TMEM178A: variants seen among roughly 807,000 people sequenced by gnomAD.
TMEM178A encodes transmembrane protein 178A, also known as transmembrane protein 178.
A neutral mutation model predicts 29.1 loss-of-function variants in TMEM178A; 12 were observed. That is an observed-to-expected ratio of 0.41 (90% CI 0.26 to 0.67). TMEM178A has a LOEUF of 0.67. Ranked by LOEUF, TMEM178A falls within the 30% of genes least tolerant of loss-of-function variation. The pLI, the probability that TMEM178A is intolerant of heterozygous loss-of-function variation, is 0.29. For synonymous variants in TMEM178A, 210 were observed against 187.2 expected (o/e 1.12, Z -0.99); for missense variants, 366 against 419.1 (o/e 0.87, Z 1.11).
In TMEM178A at chr2:39,700,872, G is replaced by T. The variant is rs558777163; in HGVS notation, c.401-3209G>T. Among the ~76,000 whole-genome samples the T allele has an allele frequency of 2.0e-4, 30 of 150,510 alleles. No homozygotes were observed. The South Asian group carries it at 6.4e-3, about 32-fold the overall frequency. Reference sequence around the variant, plus strand: ...TTATTTTCTTAGTGGTTGCCCTGTGGATTACAAGTAACATCTTAACAATCT... The same window carrying T: ...TTATTTTCTTAGTGGTTGCCCTGTGTATTACAAGTAACATCTTAACAATCT... On this transcript the variant is annotated intron_variant, in intron 1 of 3. Transcript: ENST00000281961.
At chr2:39,675,312 G>T (rs1670571870) in intron 1 of TMEM178A, among the ~76,000 whole-genome samples, 1 of 152,084 alleles carries the variant, frequency 6.6e-6, no homozygotes, top group African/African-American at 2.4e-5. Context: ...TTGGAAAATT[G>T]GCAGCTGTAT....
At chr2:39,703,254 A>G (rs572655038) in intron 1 of TMEM178A, among the ~76,000 whole-genome samples, 2 of 152,334 alleles carry the variant, frequency 1.3e-5, no homozygotes, top group African/African-American at 4.8e-5. Context: ...AGAACATTTT[A>G]TAAGTTTTTT....
chr2:39,668,751 C>G (rs992567106), intron 1 of TMEM178A, among the ~76,000 whole-genome samples: 1 of 152,126 alleles, frequency 6.6e-6, no homozygotes, highest in Admixed American at 6.6e-5. Context: ...TGCTACTAAC[C>G]AACCTTGGGC....
At chr2:39,693,668 C>T (rs1671416404) in intron 1 of TMEM178A, among the ~76,000 whole-genome samples, 1 of 152,156 alleles carries the variant, frequency 6.6e-6, no homozygotes, top group South Asian at 2.1e-4. Flanking sequence ...GGAGAATCCT[C>T]TGTAAGCCAC....
In TMEM178A at chr2:39,666,249, C is replaced by G. The variant is rs1365756298; in HGVS notation, c.275C>G (p.Ser92Trp). Residue 92 changes from serine to tryptophan, a missense_variant, in exon 1 of 4, where the codon TCG becomes TGG. By Grantham distance (177) the Ser-to-Trp change is radical (BLOSUM62 -3). Coordinates refer to ENST00000281961, the MANE Select transcript of TMEM178A (RefSeq NM_152390.3). Reference protein sequence around the residue: ...PGRADPESWRSLLGLGGLDAE... With the variant: ...PGRADPESWRWLLGLGGLDAE... ...CGCGCCGACCCCGAGTCCTGGCGCT[C>G]GCTCCTGGGGCTCGGCGGGCTGGAC... 7.3e-7 allele frequency: 1 copy of G among 1,360,874 alleles called. No homozygotes were observed. Among genetic ancestry groups the G allele is most frequent in the South Asian group, 1.8e-5 (1 of 56,332 alleles). 84.3% of individuals were successfully genotyped at this position (1,360,874 alleles called of 1,614,324 possible).
In TMEM178A at chr2:39,704,106, C is replaced by G; in HGVS notation, c.426C>G (p.Ile142Met). 6.2e-7 allele frequency: 1 copy of G among 1,614,136 alleles called. No homozygotes were observed. The highest frequency in any genetic ancestry group is 1.1e-5 in the South Asian group (1 of 91,076). ...GTATTGCGCAGCGATGCACGGCCAT[C>G]AAGTACCACTTTTCTCAGCCCATCC... is the stretch of plus-strand genomic sequence containing the variant. ...LKGIAQRCTAIKYHFSQPIRL... is the reference protein window; with the variant it reads ...LKGIAQRCTAMKYHFSQPIRL... Residue 142 changes from isoleucine to methionine, a missense_variant, in exon 2 of 4, where the codon ATC (isoleucine) becomes ATG (methionine). This residue lies in a region of TMEM178A where 247 missense variants were observed against 246.8 expected (regional missense o/e 1.00). Transcript: ENST00000281961.
In TMEM178A at chr2:39,717,238, A is replaced by T; in HGVS notation, c.881A>T (p.Asp294Val). Residue 294 changes from aspartate (D) to valine (V), a missense_variant, in exon 4 of 4, where the codon GAC becomes GTC. By Grantham distance (152) the Asp-to-Val change is radical. This residue lies in a region of TMEM178A where 119 missense variants were observed against 172.2 expected (regional missense o/e 0.69). Transcript: ENST00000281961. ...TKIAQLKSGRDSTV is the reference protein window; with the variant it reads ...TKIAQLKSGRVSTV ...ATTGCACAGCTAAAGTCTGGCAGAG[A>T]CTCCACGGTATGACTGTCCTCACTG... 3 of 1,612,658 alleles carry T rather than the reference A, an allele frequency of 1.9e-6. No individual in the cohort carries two copies. The highest frequency in any genetic ancestry group is 1.3e-5 in the African/African-American group (1 of 74,474).
At chr2:39,707,967 T>C (rs1394897708) in intron 3 of TMEM178A, among the ~76,000 whole-genome samples, 1 of 152,242 alleles carries the variant, frequency 6.6e-6, no homozygotes, top group Non-Finnish European at 1.5e-5. Flanking sequence ...TCCACAGATA[T>C]CTTTTGAGGA....
rs149209394 is a variant in TMEM178A at position 39,687,927 on chromosome 2, A to C, written c.401-16154A>C. On this transcript the variant is annotated intron_variant, in intron 1 of 3. Coordinates refer to ENST00000281961, the MANE Select transcript of TMEM178A (RefSeq NM_152390.3). ...ATGCAAATTCAATCCCATCTATGTC[A>C]CTTGTTAGCTGTGGGACTGTAGGCA... Among the ~76,000 whole-genome samples the C allele has an allele frequency of 2.5e-3, 383 of 152,336 alleles. 1 individual carries two copies. Among genetic ancestry groups the C allele is most frequent in the African/African-American group, 8.7e-3 (360 of 41,576 alleles).
At chr2:39,684,902 C>T (rs1249992707) in intron 1 of TMEM178A, among the ~76,000 whole-genome samples, 2 of 152,178 alleles carry the variant, frequency 1.3e-5, no homozygotes, top group Non-Finnish European at 2.9e-5. Flanking sequence ...ACACGTGCCC[C>T]TGGACCCGGC....
rs114801251 is a variant in TMEM178A, at chr2:39,675,294, C to A, written c.400+8920C>A. On this transcript the variant is annotated intron_variant, in intron 1 of 3. Transcript: ENST00000281961. ...CCCCCAAAGTCATCTCTAGGCACCACCACTGATTTGGAAAATTGGCAGCTG... is the reference window on the plus strand; with the variant it reads ...CCCCCAAAGTCATCTCTAGGCACCAACACTGATTTGGAAAATTGGCAGCTG... Among the ~76,000 whole-genome samples, 1,366 of 152,206 alleles carry A rather than the reference C, an allele frequency of 9.0e-3. 27 individuals carry two copies. The highest frequency in any genetic ancestry group is 0.031 in the African/African-American group (1,301 of 41,512).
At position 39,717,256 on chromosome 2, in the gene TMEM178A, C is replaced by G. The variant is rs755282099; in HGVS notation, c.*5C>G. ...GGCAGAGACTCCACGGTATGACTGT[C>G]CTCACTGGGCCTGTCCACAGTGCGA... On this transcript the variant is annotated 3_prime_UTR_variant, in exon 4 of 4. Transcript: ENST00000281961. 6.2e-7 allele frequency: 1 copy of G among 1,613,020 alleles called. No individual in the cohort carries two copies. Among genetic ancestry groups the G allele is most frequent in the Non-Finnish European group, 8.5e-7 (1 of 1,179,626 alleles).
At position 39,715,726 on chromosome 2, in the gene TMEM178A, G is replaced by A. The variant is rs529578853; in HGVS notation, c.653-1284G>A. 3.9e-5 allele frequency among the ~76,000 whole-genome samples: 6 copies of A among 152,214 alleles called. No homozygotes were observed. In the East Asian group the frequency reaches 5.8e-4, roughly 15 times the overall value. On this transcript the variant is annotated intron_variant, in intron 3 of 3. Coordinates refer to ENST00000281961, the MANE Select transcript of TMEM178A (RefSeq NM_152390.3). ...ATTGTCTAAGTGCACATTTGGAAGC[G>A]GATTCAGGCAACGTGCTCTTACATG...
chr2:39,667,450 T>TA (rs5830581), intron 1 of TMEM178A, among the ~76,000 whole-genome samples: 74,751 of 147,864 alleles, frequency 0.51, 19,652 homozygotes, highest in East Asian at 0.83. Flanking sequence ...CCTTTGAGAT[T>TA]AAAAAAAAAA....
chr2:39,674,869 A>G (rs565418458), intron 1 of TMEM178A, among the ~76,000 whole-genome samples: 17 of 151,990 alleles, frequency 1.1e-4, no homozygotes, highest in Admixed American at 1.1e-3. Flanking sequence ...CTGAAATTCA[A>G]GTTGGTAGGA....
chr2:39,732,029 C>T, the TMEM178A span, among the ~76,000 whole-genome samples: 6 of 152,090 alleles, frequency 3.9e-5, no homozygotes, highest in East Asian at 1.9e-4. Flanking sequence ...TTCCTCTTCC[C>T]GAGACCTTAT....
At chr2:39,715,766 A>G (rs1672508772) in intron 3 of TMEM178A, among the ~76,000 whole-genome samples, 1 of 152,232 alleles carries the variant, frequency 6.6e-6, no homozygotes, top group Non-Finnish European at 1.5e-5. Context: ...GAATGGAGGC[A>G]GAATTCTAAC....
At chr2:39,681,577 G>C (rs1487239393) in intron 1 of TMEM178A, among the ~76,000 whole-genome samples, 1 of 152,084 alleles carries the variant, frequency 6.6e-6, no homozygotes, top group Non-Finnish European at 1.5e-5. Flanking sequence ...GTCTTGATTT[G>C]GAAATATGTT....
At chr2:39,669,720 T>C (rs140699541) in intron 1 of TMEM178A, among the ~76,000 whole-genome samples, 20 of 152,354 alleles carry the variant, frequency 1.3e-4, no homozygotes, top group African/African-American at 4.6e-4. Context: ...TTTGCCAGCA[T>C]AGTTTAAACA....
Sources: allele counts gnomAD v4.1 joint callset (sites outside exome capture counted in the v4.1 genomes callset), GRCh38; gene constraint gnomAD v4.1.1; regional missense constraint gnomAD v4.1.1; transcripts MANE v1.5; gene names NCBI Gene and HGNC (gene_info 2026-07-23, HGNC 2026-07-21).